Variants in RYR3 observed in about 807,000 individuals in gnomAD.
The protein encoded by RYR3 is ryanodine receptor 3.
Under a neutral mutation model 584.3 loss-of-function variants are expected in RYR3, and 207 were observed. The ratio of observed to expected loss-of-function variants is 0.35; its 90% CI spans 0.32 to 0.40. The LOEUF (loss-of-function observed/expected upper bound fraction) is 0.40, where lower values mean the gene tolerates loss of function less well. RYR3 is among the 10% of genes least tolerant of loss of function. The pLI is 1.00. For synonymous variants in RYR3, 2,416 were observed against 2,248.5 expected (o/e 1.07, Z -2.11); for missense variants, 5,616 against 6,089.2 (o/e 0.92, Z 2.59).
chr15:33,709,143 C>T (rs1279617748), intron 43 of RYR3, among the ~76,000 whole-genome samples: 1 of 152,132 alleles, frequency 6.6e-6, no homozygotes, highest in Non-Finnish European at 1.5e-5. Context: ...CTAACAGTAG[C>T]CGTGTCTAGT....
At chr15:33,531,819 G>C (rs1476359292) in intron 4 of RYR3, among the ~76,000 whole-genome samples, 1 of 151,962 alleles carries the variant, frequency 6.6e-6, no homozygotes, top group Non-Finnish European at 1.5e-5. Flanking sequence ...ATAATATCTG[G>C]AATTGAGAAG....
intron 98 of RYR3, among the ~76,000 whole-genome samples, chr15:33,855,292 G>C (rs558738450): frequency 2.0e-5 from 3 of 152,132 alleles, no homozygotes; most frequent in Admixed American, 6.5e-5. Flanking sequence ...CCGACTCCCA[G>C]GTCCCAGTTC....
chr15:33,373,429 C>T (rs548997443), intron 1 of RYR3, among the ~76,000 whole-genome samples: 38 of 152,292 alleles, frequency 2.5e-4, no homozygotes, highest in Non-Finnish European at 4.6e-4. Flanking sequence ...ATGCCAATTT[C>T]GTAAAGTTGT....
chr15:33,802,930 C>T (rs2075993240), intron 69 of RYR3, among the ~76,000 whole-genome samples: 1 of 152,170 alleles, frequency 6.6e-6, no homozygotes, highest in Non-Finnish European at 1.5e-5. Flanking sequence ...AGATGAGAAT[C>T]ATGGGTTTGT....
intron 2 of RYR3, among the ~76,000 whole-genome samples, chr15:33,480,142 A>C (rs2676014): frequency 0.44 from 67,588 of 151,946 alleles, 15,849 homozygotes; most frequent in Non-Finnish European, 0.52. Flanking sequence ...GCCTTTCCAC[A>C]AGTCTGTGAG....
At chr15:33,546,358 G>T (rs904835387) in intron 8 of RYR3, among the ~76,000 whole-genome samples, 2 of 152,174 alleles carry the variant, frequency 1.3e-5, no homozygotes, top group African/African-American at 4.8e-5. Flanking sequence ...GTGGCTAGCA[G>T]GTTGGTGCAG....
chr15:33,678,180 A>C (rs145647978), intron 38 of RYR3, among the ~76,000 whole-genome samples: 4 of 152,176 alleles, frequency 2.6e-5, no homozygotes, highest in Non-Finnish European at 5.9e-5. Context: ...AATGTTGGCT[A>C]TACTATTTGA....
In RYR3 at chr15:33,662,649, G is replaced by A. The variant is rs1373558975; in HGVS notation, c.5119G>A (p.Gly1707Arg). Reference protein sequence around the residue: ...SMLTEAVQCSGAHIRDPVGGS... With the variant: ...SMLTEAVQCSRAHIRDPVGGS... ...GCTGACAGAGGCAGTGCAGTGCAGC[G>A]GGGCCCACATCCGAGACCCTGTAGG... The change falls in exon 35 of 104, where the codon GGG becomes AGG. Residue 1707 changes from glycine (G) to arginine (R), a missense_variant. Physicochemically the swap from Gly to Arg is moderately radical, Grantham distance 125 (BLOSUM62 -2). Transcript: ENST00000634891. The A allele has an allele frequency of 1.9e-6, 3 of 1,614,040 alleles. No homozygotes were observed. The highest frequency in any genetic ancestry group is 2.5e-6 in the Non-Finnish European group (3 of 1,179,924).
chr15:33,515,892 A>G (rs1308276932), intron 3 of RYR3, among the ~76,000 whole-genome samples: 1 of 152,082 alleles, frequency 6.6e-6, no homozygotes, highest in Non-Finnish European at 1.5e-5. Context: ...TATTTTGCGT[A>G]TGTGTGTGTG....
intron 102 of RYR3, 83 bp from the exon 103 acceptor site, chr15:33,864,042 ACCAACTAGCCTTT>A (rs1597139914): frequency 2.4e-6 from 2 of 845,640 alleles, no homozygotes; most frequent in East Asian, 5.2e-5. Flanking sequence ...ATAGCGTGGG[ACCAACTAGCCTTT>A]CTGAGCCCTG....
chr15:33,629,862 G>T (rs746205912), intron 21 of RYR3, 78 bp from the exon 22 acceptor site: 1 of 739,594 alleles, frequency 1.4e-6, no homozygotes, highest in Non-Finnish European at 2.3e-6. Context: ...ATGTTTCAAA[G>T]TATGTTCTGT....
At chr15:33,373,842 T>C (rs2040521275) in intron 1 of RYR3, among the ~76,000 whole-genome samples, 1 of 152,238 alleles carries the variant, frequency 6.6e-6, no homozygotes, top group Admixed American at 6.5e-5. Flanking sequence ...GCAGTCATTT[T>C]ATAAAAGTAT....
At chr15:33,330,514 C>T (rs1970255454) in intron 1 of RYR3, among the ~76,000 whole-genome samples, 1 of 152,136 alleles carries the variant, frequency 6.6e-6, no homozygotes, top group Admixed American at 6.5e-5. Context: ...TCTAACCCTC[C>T]CTACTCTTCC....
At chr15:33,434,346 T>C (rs1489192785) in intron 1 of RYR3, among the ~76,000 whole-genome samples, 1 of 152,212 alleles carries the variant, frequency 6.6e-6, no homozygotes, top group Non-Finnish European at 1.5e-5. Flanking sequence ...CCTGTGCTTA[T>C]AGTTTGTATT....
intron 1 of RYR3, among the ~76,000 whole-genome samples, chr15:33,418,155 T>C (rs2043957896): frequency 6.6e-6 from 1 of 152,138 alleles, no homozygotes; most frequent in Admixed American, 6.5e-5. Flanking sequence ...TTATTGTTTC[T>C]TTGCCAGATT....
intron 22 of RYR3, among the ~76,000 whole-genome samples, chr15:33,630,736 G>A (rs1320350483): frequency 1.3e-5 from 2 of 152,210 alleles, no homozygotes. Flanking sequence ...TTGCTGACCT[G>A]TGGGCTGGAT....
intron 1 of RYR3, among the ~76,000 whole-genome samples, chr15:33,420,893 A>C (rs1294596115): frequency 6.6e-6 from 1 of 152,168 alleles, no homozygotes; most frequent in African/African-American, 2.4e-5. Flanking sequence ...GATGGTAAGC[A>C]GTCATTCTGC....
chr15:33,831,153 A>G (rs147360005), intron 86 of RYR3, 62 bp downstream of exon 86: 11 of 1,474,954 alleles, frequency 7.5e-6, no homozygotes, highest in African/African-American at 5.5e-5. Context: ...CCTGTATTCT[A>G]TATTCCCTAC....
Position 33,455,513 on chromosome 15 carries a change from C to T in RYR3, c.52-17906C>T, listed in dbSNP as rs540949046. Among the ~76,000 whole-genome samples the T allele has an allele frequency of 6.4e-3, 967 of 152,126 alleles. 5 individuals carry two copies. Among genetic ancestry groups the T allele is most frequent in the African/African-American group, 0.022 (896 of 41,492 alleles). ...AGGAGAGGAGTACGTGCCTTAAAGG[C>T]CAAAAGAAAAGATGGTTTCCAGAAA... is the stretch of plus-strand genomic sequence containing the variant. On this transcript the variant is annotated intron_variant, in intron 1 of 103. Transcript: ENST00000634891.
Sources: allele counts gnomAD v4.1 joint callset (sites outside exome capture counted in the v4.1 genomes callset), GRCh38; gene constraint gnomAD v4.1.1; transcripts MANE v1.5; gene names NCBI Gene and HGNC (gene_info 2026-07-23, HGNC 2026-07-21).